CHRM2: variants seen among roughly 807,000 people sequenced by gnomAD.
CHRM2 encodes the protein muscarinic acetylcholine receptor M2.
In CHRM2, 8 loss-of-function variants were observed where a neutral mutation model predicts 25.0. That is an observed-to-expected ratio of 0.32 (90% confidence interval 0.19 to 0.58). CHRM2 has a LOEUF of 0.58. Ranked by LOEUF, CHRM2 falls within the 20% of genes least tolerant of loss-of-function variation. The pLI is 0.88. For synonymous variants in CHRM2, 202 were observed against 205.7 expected (o/e 0.98, Z 0.15); for missense variants, 440 against 567.1 (o/e 0.78, Z 2.28).
intron 2 of CHRM2, among the ~76,000 whole-genome samples, chr7:136,924,946 T>C (rs1255334266): frequency 6.6e-6 from 1 of 152,188 alleles, no homozygotes; most frequent in Non-Finnish European, 1.5e-5. Flanking sequence ...ACATCTACTC[T>C]GCCATAGTTT....
intron 2 of CHRM2, chr7:136,870,018 T>A (rs1795755305): frequency 6.6e-6 from 1 of 152,066 alleles, no homozygotes; most frequent in Non-Finnish European, 1.5e-5. Context: ...GGAGAAGCAA[T>A]TAGAATGGGG....
At chr7:136,915,138 C>T (rs1005049985) in intron 2 of CHRM2, among the ~76,000 whole-genome samples, 1 of 151,760 alleles carries the variant, frequency 6.6e-6, no homozygotes, top group African/African-American at 2.4e-5. Context: ...AAATGTACTT[C>T]AGGATTAAAG....
intron 2 of CHRM2, among the ~76,000 whole-genome samples, chr7:136,922,944 A>G (rs539789066): frequency 2.6e-5 from 4 of 152,318 alleles, no homozygotes; most frequent in South Asian, 2.1e-4. Flanking sequence ...CTGAGTATCA[A>G]TGTACTTATC....
At chr7:136,976,314 T>C (rs1006704006) in intron 2 of CHRM2, among the ~76,000 whole-genome samples, 16 of 152,110 alleles carry the variant, frequency 1.1e-4, no homozygotes, top group African/African-American at 3.9e-4. Context: ...GTTAGTGGCA[T>C]TACTGATTTG....
intron 2 of CHRM2, among the ~76,000 whole-genome samples, chr7:136,983,756 C>A (rs1802648718): frequency 1.3e-5 from 2 of 152,176 alleles, no homozygotes; most frequent in Admixed American, 1.3e-4. Context: ...CTGGGTGTCA[C>A]CAGCAGAGGC....
At chr7:136,944,071 A>T (rs2130827450) in intron 2 of CHRM2, among the ~76,000 whole-genome samples, 1 of 152,196 alleles carries the variant, frequency 6.6e-6, no homozygotes, top group East Asian at 1.9e-4. Context: ...TGACCTTTCG[A>T]GTTGGCTTTC....
chr7:137,017,398 T>G lies in CHRM2; in HGVS notation c.*1132T>G, dbSNP rs948987249. ...GCAGAAAGGAATGCTGTTTTATTTA[T>G]TTGGAATCCTAAACAGGATTAACAT... On this transcript the variant is annotated 3_prime_UTR_variant, in exon 4 of 4. Transcript: ENST00000680005. 3.9e-5 allele frequency: 6 copies of G among 152,082 alleles called. No homozygotes were observed. Among genetic ancestry groups the G allele is most frequent in the African/African-American group, 1.4e-4 (6 of 41,544 alleles). The allele number at this position is 152,082 out of a possible 1,614,324, so 9.4% of individuals were successfully genotyped here. A position where few individuals can be genotyped will look rare whatever the true frequency, so the allele number is the denominator to read the frequency against.
chr7:136,907,733 C>A (rs1191801295), intron 2 of CHRM2: 2 of 152,010 alleles, frequency 1.3e-5, no homozygotes, highest in African/African-American at 2.4e-5. Context: ...CAAAAAAAAT[C>A]TTATTCCTGT....
intron 2 of CHRM2, among the ~76,000 whole-genome samples, chr7:136,945,429 G>GT (rs1347168831): frequency 1.3e-5 from 2 of 152,114 alleles, no homozygotes; most frequent in Non-Finnish European, 2.9e-5. Flanking sequence ...TGAGGATCCA[G>GT]TTTCATTTTT....
chr7:136,947,201 TTTTG>T (rs1489194094), intron 2 of CHRM2, among the ~76,000 whole-genome samples: 2 of 152,194 alleles, frequency 1.3e-5, no homozygotes, highest in African/African-American at 2.4e-5. Flanking sequence ...GTCGTGGTTT[TTTTG>T]TTTGTTTTTC....
At chr7:136,973,843 T>C (rs1801941932) in intron 2 of CHRM2, among the ~76,000 whole-genome samples, 1 of 152,096 alleles carries the variant, frequency 6.6e-6, no homozygotes, top group Non-Finnish European at 1.5e-5. Context: ...AAGAGCCAAA[T>C]GGTTCTTGGG....
At chr7:136,875,521 C>A (rs1331105002) in intron 2 of CHRM2, among the ~76,000 whole-genome samples, 1 of 152,092 alleles carries the variant, frequency 6.6e-6, no homozygotes, top group African/African-American at 2.4e-5. Context: ...TCAGACCTTT[C>A]GCACCTCTCA....
intron 2 of CHRM2, among the ~76,000 whole-genome samples, chr7:136,932,137 T>C (rs1799142774): frequency 1.3e-5 from 2 of 152,128 alleles, no homozygotes; most frequent in Admixed American, 6.5e-5. Context: ...ATTATGGATA[T>C]TACAGAAATA....
intron 2 of CHRM2, among the ~76,000 whole-genome samples, chr7:136,906,442 T>C (rs547276700): frequency 2.0e-5 from 3 of 151,608 alleles, no homozygotes; most frequent in Non-Finnish European, 4.4e-5. Flanking sequence ...ATGTATACAT[T>C]TGGTTTTTAT....
chr7:136,873,021 C>A (rs1795900489), intron 2 of CHRM2, among the ~76,000 whole-genome samples: 1 of 152,210 alleles, frequency 6.6e-6, no homozygotes, highest in African/African-American at 2.4e-5. Context: ...CCACACAGTT[C>A]TCTTGAAGAA....
intron 2 of CHRM2, among the ~76,000 whole-genome samples, chr7:136,931,145 A>G (rs544266549): frequency 6.6e-6 from 1 of 152,212 alleles, no homozygotes; most frequent in African/African-American, 2.4e-5. Context: ...ATCTTTTTGG[A>G]AGTGAGTGTA....
intron 2 of CHRM2, among the ~76,000 whole-genome samples, chr7:136,955,007 C>CTACTAG (rs1050109038): frequency 1.3e-5 from 2 of 152,128 alleles, no homozygotes; most frequent in Non-Finnish European, 2.9e-5. Flanking sequence ...ATTAATACCC[C>CTACTAG]TACTAGTACT....
intron 2 of CHRM2, among the ~76,000 whole-genome samples, chr7:136,910,628 C>G (rs1225501927): frequency 6.6e-6 from 1 of 151,874 alleles, no homozygotes; most frequent in East Asian, 1.9e-4. Flanking sequence ...TTGTGCACAG[C>G]TAAACCTGCC....
intron 2 of CHRM2, among the ~76,000 whole-genome samples, chr7:136,905,620 C>T (rs1797493634): frequency 6.6e-6 from 1 of 151,672 alleles, no homozygotes; most frequent in South Asian, 2.1e-4. Context: ...TTTAAACTAT[C>T]TGTGCCATTT....
Sources: allele counts gnomAD v4.1 joint callset (sites outside exome capture counted in the v4.1 genomes callset), GRCh38; gene constraint gnomAD v4.1.1; transcripts MANE v1.5; gene names NCBI Gene and HGNC (gene_info 2026-07-23, HGNC 2026-07-21).